The following RALYL variants were observed in gnomAD, a reference collection of about 807,000 sequenced individuals.
RALYL encodes RNA-binding Raly-like protein.
A neutral mutation model predicts 35.1 loss-of-function variants in RALYL; 29 were observed. The observed-to-expected ratio is 0.83, with a 90% confidence interval of 0.61 to 1.13. RALYL has a LOEUF of 1.13. Among genes scored for constraint, RALYL ranks in the 50% most tolerant of loss-of-function variants. The probability of loss-of-function intolerance (pLI) is 0.00; values close to 1 mark genes in which losing one functional copy is unlikely to be tolerated. For synonymous variants in RALYL, 120 were observed against 127.6 expected (o/e 0.94, Z 0.40); for missense variants, 359 against 360.4 (o/e 1.00, Z 0.03).
intron 1 of RALYL, among the ~76,000 whole-genome samples, chr8:84,273,284 C>T (rs562408711): frequency 6.6e-5 from 10 of 152,230 alleles, no homozygotes; most frequent in Non-Finnish European, 1.3e-4. Flanking sequence ...CTGCCAAGCT[C>T]ACCCATGTGT....
chr8:84,263,056 G>A (rs1832615712), intron 1 of RALYL, among the ~76,000 whole-genome samples: 1 of 152,034 alleles, frequency 6.6e-6, no homozygotes, highest in South Asian at 2.1e-4. Flanking sequence ...ATACTATCCT[G>A]ACTTCTCCAA....
At chr8:84,371,846 TAGAG>T (rs1855789854) in intron 1 of RALYL, among the ~76,000 whole-genome samples, 1 of 152,078 alleles carries the variant, frequency 6.6e-6, no homozygotes, top group Non-Finnish European at 1.5e-5. Flanking sequence ...TATACATATA[TAGAG>T]AGACAGCACT....
At chr8:84,234,724 T>G (rs1351583263) in intron 1 of RALYL, among the ~76,000 whole-genome samples, 1 of 152,204 alleles carries the variant, frequency 6.6e-6, no homozygotes, top group Admixed American at 6.5e-5. Flanking sequence ...GCAACTTTAC[T>G]TCATTAAAGT....
At chr8:84,240,540 G>A (rs1550217) in intron 1 of RALYL, among the ~76,000 whole-genome samples, 3,873 of 152,264 alleles carry the variant, frequency 0.025, 170 homozygotes, top group African/African-American at 0.088. Context: ...TAGAAGAAAT[G>A]TCACAAGGTG....
chr8:84,344,228 T>A (rs1849392722), intron 1 of RALYL, among the ~76,000 whole-genome samples: 1 of 152,076 alleles, frequency 6.6e-6, no homozygotes, highest in Non-Finnish European at 1.5e-5. Flanking sequence ...TATTAAGAAA[T>A]ACTTGTAAAT....
chr8:84,443,771 G>T (rs2133031151), intron 1 of RALYL, among the ~76,000 whole-genome samples: 1 of 152,084 alleles, frequency 6.6e-6, no homozygotes, highest in East Asian at 1.9e-4. Context: ...CCTGTGTTTA[G>T]CTTTAAATTT....
At chr8:84,308,659 T>A (rs1322793141) in intron 1 of RALYL, among the ~76,000 whole-genome samples, 5 of 152,184 alleles carry the variant, frequency 3.3e-5, no homozygotes, top group Non-Finnish European at 7.3e-5. Flanking sequence ...TAATAGTACA[T>A]CCCAATTTCA....
At chr8:84,805,606 C>A (rs1192915503) in intron 4 of RALYL, among the ~76,000 whole-genome samples, 1 of 152,118 alleles carries the variant, frequency 6.6e-6, no homozygotes, top group Non-Finnish European at 1.5e-5. Context: ...ATTGCCTGAA[C>A]CTGGGAGGCA....
intron 1 of RALYL, among the ~76,000 whole-genome samples, chr8:84,223,497 A>T (rs1487558655): frequency 6.6e-6 from 1 of 152,136 alleles, no homozygotes; most frequent in East Asian, 1.9e-4. Flanking sequence ...AAGAAAAGGG[A>T]GATGGAGGTG....
At chr8:84,544,909 G>GTATT (rs2060256308) in intron 2 of RALYL, among the ~76,000 whole-genome samples, 1 of 151,628 alleles carries the variant, frequency 6.6e-6, no homozygotes, top group South Asian at 2.1e-4. Flanking sequence ...GTTTTAATTT[G>GTATT]TATTTCTCTT....
intron 8 of RALYL, among the ~76,000 whole-genome samples, chr8:84,908,922 C>T (rs1002168454): frequency 2.2e-4 from 34 of 151,140 alleles, no homozygotes; most frequent in Admixed American, 9.9e-4. Context: ...GCATGCAGAT[C>T]GACTTGTTAT....
At chr8:84,797,463 A>G (rs927330758) in intron 3 of RALYL, among the ~76,000 whole-genome samples, 2 of 152,238 alleles carry the variant, frequency 1.3e-5, no homozygotes, top group African/African-American at 4.8e-5. Context: ...TCCCTGGCAC[A>G]TCGCAAGCTC....
chr8:84,247,533 T>A (rs533395619), intron 1 of RALYL, among the ~76,000 whole-genome samples: 39 of 140,458 alleles, frequency 2.8e-4, no homozygotes, highest in Non-Finnish European at 4.2e-4. Context: ...ATTTTAAATT[T>A]AAAAAAAAAA....
At chr8:84,291,458 T>C (rs1838759552) in intron 1 of RALYL, among the ~76,000 whole-genome samples, 1 of 152,166 alleles carries the variant, frequency 6.6e-6, no homozygotes. Flanking sequence ...ACAATATATG[T>C]TGTCAATAAT....
intron 2 of RALYL, among the ~76,000 whole-genome samples, chr8:84,626,454 A>T (rs1488710): frequency 0.012 from 1,816 of 152,294 alleles, 44 homozygotes; most frequent in African/African-American, 0.04. Context: ...GATTTTGTTT[A>T]TTAAGAAAAT....
At chr8:84,765,587 A>T (rs1210635564) in intron 2 of RALYL, among the ~76,000 whole-genome samples, 1 of 152,188 alleles carries the variant, frequency 6.6e-6, no homozygotes, top group African/African-American at 2.4e-5. Context: ...TGTTCTGAGG[A>T]TCTCAACTAA....
At chr8:84,756,143 A>G (rs1811357959) in intron 2 of RALYL, among the ~76,000 whole-genome samples, 1 of 152,104 alleles carries the variant, frequency 6.6e-6, no homozygotes, top group Non-Finnish European at 1.5e-5. Flanking sequence ...TATTACCCCT[A>G]TGGCACCTAT....
chr8:84,723,982 G>T (rs1274604727), intron 2 of RALYL, among the ~76,000 whole-genome samples: 1 of 151,474 alleles, frequency 6.6e-6, no homozygotes, highest in Non-Finnish European at 1.5e-5. Flanking sequence ...ACCTTATCTG[G>T]CTCTGTACCT....
At chr8:84,561,425 C>G (rs10101428) in intron 2 of RALYL, among the ~76,000 whole-genome samples, 10,176 of 151,770 alleles carry the variant, frequency 0.067, 801 homozygotes, top group African/African-American at 0.19. Flanking sequence ...GGTAGTCCCC[C>G]CTATCTGTGG....
Sources: allele counts gnomAD v4.1 joint callset (sites outside exome capture counted in the v4.1 genomes callset), GRCh38; gene constraint gnomAD v4.1.1; transcripts MANE v1.5; gene names NCBI Gene and HGNC (gene_info 2026-07-23, HGNC 2026-07-21).